The following DHTKD1 variants were observed in gnomAD, a reference collection of about 807,000 sequenced individuals.
The protein encoded by DHTKD1 is 2-oxoadipate dehydrogenase complex component E1.
Under a neutral mutation model 101.8 loss-of-function variants are expected in DHTKD1, and 78 were observed. That is an observed-to-expected ratio of 0.77 (90% CI 0.64 to 0.93). DHTKD1 has a LOEUF of 0.93. Ranked by LOEUF, DHTKD1 falls within the 40% of genes least tolerant of loss-of-function variation. The pLI, the probability that DHTKD1 is intolerant of heterozygous loss-of-function variation, is 0.00. For missense variants in DHTKD1, 1,223 were observed against 1,161.7 expected (o/e 1.05, Z -0.77); for synonymous variants, 462 against 450.3 (o/e 1.03, Z -0.33).
At position 12,107,897 on chromosome 10, in the gene DHTKD1, G is replaced by T. The variant is rs76263909; in HGVS notation, c.2048-12G>T. The T allele has an allele frequency of 0.032, 50,867 of 1,583,442 alleles. 1,299 individuals carry two copies. The highest frequency in any genetic ancestry group is 0.13 in the East Asian group (5,731 of 44,700). Reference sequence around the variant, plus strand: ...TCGTAGAGCTCTTACTCCCCACGTGGTACTTTTCCAGGAGAGGCCAAGTGG... The same window carrying T: ...TCGTAGAGCTCTTACTCCCCACGTGTTACTTTTCCAGGAGAGGCCAAGTGG... On this transcript the variant is annotated splice_polypyrimidine_tract_variant and intron_variant, in intron 11 of 16. Transcript: ENST00000263035. The surrounding 1 kb of genome is among the most constrained non-coding windows in gnomAD (Gnocchi z 4.1).
At position 12,069,207 on chromosome 10, in the gene DHTKD1, C is replaced by T; in HGVS notation, c.154+20C>T. 12 of 1,323,000 alleles carry T rather than the reference C, an allele frequency of 9.1e-6. No individual in the cohort carries two copies. Among genetic ancestry groups the T allele is most frequent in the Non-Finnish European group, 1.2e-5 (12 of 1,010,734 alleles). The allele number at this position is 1,323,000 out of a possible 1,614,324, so 82.0% of individuals were successfully genotyped here. A position where few individuals can be genotyped will look rare whatever the true frequency, so the allele number is the denominator to read the frequency against. On this transcript the variant is annotated intron_variant, in intron 1 of 16. Transcript: ENST00000263035. Reference sequence around the variant, plus strand: ...CCCCAGGTCGGGGATGGGGCCCGGGCGGTGGGAGCGGGGGCTGGGACGCAG... The same window carrying T: ...CCCCAGGTCGGGGATGGGGCCCGGGTGGTGGGAGCGGGGGCTGGGACGCAG...
chr10:12,074,997 G>A (rs1250117881), intron 1 of DHTKD1, among the ~76,000 whole-genome samples: 2 of 152,102 alleles, frequency 1.3e-5, no homozygotes, highest in African/African-American at 4.8e-5. Flanking sequence ...GTGGTCGCAT[G>A]TGCCTGTGGA....
intron 2 of DHTKD1, among the ~76,000 whole-genome samples, chr10:12,084,149 C>T (rs1036611379): frequency 2.0e-5 from 3 of 152,100 alleles, no homozygotes; most frequent in Non-Finnish European, 4.4e-5. Flanking sequence ...GCTCGAACTC[C>T]TGACCTCAGG....
rs1244186979 is a variant in DHTKD1 at position 12,090,389 on chromosome 10, T to TTTCCTTCCTTCCTTCCTTCC, written c.988-1106_988-1105insCCTTCCTTCCTTCCTTCCTT. ...CCTCCCTTCCTTCCTTCCTTCCTTT[T>TTTCCTTCCTTCCTTCCTTCC]TTCCTTCCTTCCTTCCTTTTTTCCT... On this transcript the variant is annotated intron_variant, in intron 5 of 16. Coordinates refer to ENST00000263035, the MANE Select transcript of DHTKD1 (RefSeq NM_018706.7). 5.8e-3 allele frequency among the ~76,000 whole-genome samples: 613 copies of TTTCCTTCCTTCCTTCCTTCC among 105,652 alleles called. 30 individuals carry two copies. Among genetic ancestry groups the TTTCCTTCCTTCCTTCCTTCC allele is most frequent in the African/African-American group, 0.02 (580 of 28,384 alleles). 69.3% of individuals were successfully genotyped at this position (105,652 alleles called of 152,430 possible).
chr10:12,074,996 T>C (rs111623912), intron 1 of DHTKD1, among the ~76,000 whole-genome samples: 16,076 of 152,016 alleles, frequency 0.11, 1,088 homozygotes, highest in Non-Finnish European at 0.16. Context: ...TGTGGTCGCA[T>C]GTGCCTGTGG....
At chr10:12,085,836 G>A (rs956596710) in intron 3 of DHTKD1, among the ~76,000 whole-genome samples, 1 of 151,502 alleles carries the variant, frequency 6.6e-6, no homozygotes, top group African/African-American at 2.4e-5. Context: ...GCAGCGAGCC[G>A]AGATCACACC....
rs75406715 is a variant in DHTKD1 at position 12,107,411 on chromosome 10, G to A, written c.2048-498G>A. ...CTCGTAAAAGCCCAGGGCCTGTGCC[G>A]TGATAGGTTATGGCTTTCTTTTTTG... On this transcript the variant is annotated intron_variant, in intron 11 of 16. Transcript: ENST00000263035. The surrounding 1 kb of genome is among the most constrained non-coding windows in gnomAD (Gnocchi z 4.1). Among the ~76,000 whole-genome samples, 204 of 151,946 alleles carry A rather than the reference G, an allele frequency of 1.3e-3. 1 individual carries two copies. Among genetic ancestry groups the A allele is most frequent in the African/African-American group, 4.5e-3 (187 of 41,476 alleles).
intron 7 of DHTKD1, 57 bp downstream of exon 7, chr10:12,094,328 A>C: frequency 1.3e-6 from 2 of 1,487,892 alleles, no homozygotes; most frequent in Non-Finnish European, 1.9e-6. Flanking sequence ...TACTATTATT[A>C]TTCTTTTGAG....
At chr10:12,095,160 A>G (rs550390095) in intron 7 of DHTKD1, among the ~76,000 whole-genome samples, 4 of 152,274 alleles carry the variant, frequency 2.6e-5, no homozygotes, top group African/African-American at 9.6e-5. Flanking sequence ...AACTCAGAAG[A>G]TTCTAATGAA....
intron 3 of DHTKD1, among the ~76,000 whole-genome samples, chr10:12,085,569 C>T (rs978229973): frequency 6.6e-6 from 1 of 152,102 alleles, no homozygotes; most frequent in African/African-American, 2.4e-5. Flanking sequence ...AAAGACCTTA[C>T]TTAAGACTTA....
Position 12,110,106 on chromosome 10 carries a change from G to A in DHTKD1, c.2154+2091G>A, listed in dbSNP as rs1833305711. 6.6e-6 allele frequency among the ~76,000 whole-genome samples: 1 copy of A among 152,114 alleles called. No homozygotes were observed. The highest frequency in any genetic ancestry group is 2.4e-5 in the African/African-American group (1 of 41,424). On this transcript the variant is annotated intron_variant, in intron 12 of 16. Transcript: ENST00000263035. This position sits in a 1 kb window ranked among gnomAD's most constrained non-coding sequence, Gnocchi z 4.9. ...GAGGTCAGGAGATGAAGACCATCCT[G>A]GCTAACACGGTGAAACCCTGTGTCT...
intron 1 of DHTKD1, among the ~76,000 whole-genome samples, chr10:12,069,745 C>T (rs1482559602): frequency 7.6e-6 from 1 of 130,852 alleles, no homozygotes; most frequent in Non-Finnish European, 1.6e-5. Flanking sequence ...ACCATGTTGC[C>T]CAGGCTGGTC....
Position 12,068,966 on chromosome 10 carries a change from A to G in DHTKD1, c.-68A>G, listed in dbSNP as rs1832604917. The G allele has an allele frequency of 1.9e-6, 3 of 1,587,736 alleles. No homozygotes were observed. Among genetic ancestry groups the G allele is most frequent in the Non-Finnish European group, 2.6e-6 (3 of 1,165,674 alleles). ...TCCGGCCGCCTCTGACGAGTCCCGG[A>G]TTTACCAGGGCCGGTGGGATCCCCT... is the stretch of plus-strand genomic sequence containing the variant. On this transcript the variant is annotated 5_prime_UTR_variant, in exon 1 of 17. Transcript: ENST00000263035.
At chr10:12,119,167 G>A (rs1398777409) in intron 15 of DHTKD1, among the ~76,000 whole-genome samples, 2 of 151,284 alleles carry the variant, frequency 1.3e-5, no homozygotes, top group African/African-American at 2.4e-5. Flanking sequence ...TTAGCCGGGC[G>A]TGGTGGCGGG....
At position 12,114,687 on chromosome 10, in the gene DHTKD1, G is replaced by A. The variant is rs566168908; in HGVS notation, c.2319+1623G>A. Among the ~76,000 whole-genome samples the A allele has an allele frequency of 5.3e-3, 814 of 152,330 alleles. 1 individual carries two copies. Among genetic ancestry groups the A allele is most frequent in the Middle Eastern group, 0.034 (10 of 294 alleles). ...TGGCCATTCAAGAATATCTTGTGCT[G>A]CTCACAAAGGTTCGAGAGTGTATAT... is the stretch of plus-strand genomic sequence containing the variant. On this transcript the variant is annotated intron_variant, in intron 13 of 16. Coordinates refer to ENST00000263035, the MANE Select transcript of DHTKD1 (RefSeq NM_018706.7).
At chr10:12,079,938 G>A (rs1832788802) in intron 1 of DHTKD1, among the ~76,000 whole-genome samples, 1 of 152,182 alleles carries the variant, frequency 6.6e-6, no homozygotes. Flanking sequence ...CATCCTGTGT[G>A]TGTTCAATAC....
At chr10:12,099,559 G>C (rs183957912) in intron 8 of DHTKD1, among the ~76,000 whole-genome samples, 17 of 151,892 alleles carry the variant, frequency 1.1e-4, no homozygotes, top group Non-Finnish European at 2.4e-4. Flanking sequence ...GTGGTGGTGT[G>C]CACCCATAGT....
At chr10:12,108,075 C>T in intron 12 of DHTKD1, 60 bp downstream of exon 12, 1 of 1,310,600 alleles carries the variant, frequency 7.6e-7, no homozygotes, top group Non-Finnish European at 1.1e-6. Context: ...AGCTTTTCTA[C>T]CTCCTGCGGA....
At chr10:12,080,622 A>T (rs1347622228) in intron 1 of DHTKD1, among the ~76,000 whole-genome samples, 1 of 151,032 alleles carries the variant, frequency 6.6e-6, no homozygotes, top group East Asian at 2.0e-4. Context: ...GAGGCAGGAG[A>T]ATGACTTGAA....
Sources: allele counts gnomAD v4.1 joint callset (sites outside exome capture counted in the v4.1 genomes callset), GRCh38; gene constraint gnomAD v4.1.1; non-coding constraint Gnocchi (gnomAD v3.1); transcripts MANE v1.5; gene names NCBI Gene and HGNC (gene_info 2026-07-23, HGNC 2026-07-21).